The following SPSB1 variants were observed in gnomAD, a reference collection of about 807,000 sequenced individuals.
SPSB1 encodes the protein splA/ryanodine receptor domain and SOCS box containing 1.
Under a neutral mutation model 21.2 loss-of-function variants are expected in SPSB1, and 8 were observed. The ratio of observed to expected loss-of-function variants is 0.38; its 90% CI spans 0.22 to 0.68. The LOEUF (loss-of-function observed/expected upper bound fraction) is 0.68, where lower values mean the gene tolerates loss of function less well. Ranked by LOEUF, SPSB1 falls within the 30% of genes least tolerant of loss-of-function variation. SPSB1 has a pLI of 0.53. For synonymous variants in SPSB1, 169 were observed against 161.7 expected (o/e 1.05, Z -0.34); for missense variants, 242 against 377.8 (o/e 0.64, Z 2.98).
chr1:9,363,357 G>A lies in SPSB1; in HGVS notation c.695-4091G>A, dbSNP rs1216660691. Among the ~76,000 whole-genome samples, 1 of 152,140 alleles carries A rather than the reference G, an allele frequency of 6.6e-6. No homozygotes were observed. Among genetic ancestry groups the A allele is most frequent in the Non-Finnish European group, 1.5e-5 (1 of 68,026 alleles). On this transcript the variant is annotated intron_variant, in intron 2 of 2. Coordinates refer to ENST00000328089, the MANE Select transcript of SPSB1 (RefSeq NM_025106.4). The surrounding 1 kb of genome is among the most constrained non-coding windows in gnomAD (Gnocchi z 4.5). ...CCATTCACTGCCACTTCTCTAGCCC[G>A]TCTTGGTGGATCCCATGACCCATCC...
intron 2 of SPSB1, among the ~76,000 whole-genome samples, chr1:9,358,674 A>C (rs563130106): frequency 6.6e-5 from 10 of 152,286 alleles, no homozygotes; most frequent in African/African-American, 2.4e-4. Flanking sequence ...CAGACAGATG[A>C]GGGGACTGCC....
chr1:9,309,301 AGTGTGTGT>A (rs35952855), intron 1 of SPSB1, among the ~76,000 whole-genome samples: 73 of 133,220 alleles, frequency 5.5e-4, no homozygotes, highest in South Asian at 1.3e-3. Flanking sequence ...AGAGAGAGAG[AGTGTGTGT>A]GTGTGTGTGT....
chr1:9,338,686 G>A (rs1156998217), intron 1 of SPSB1, among the ~76,000 whole-genome samples: 1 of 152,258 alleles, frequency 6.6e-6, no homozygotes, highest in Admixed American at 6.5e-5. Context: ...GGCCTTGCAG[G>A]CAGGGCTGGG....
chr1:9,356,217 G>T lies in SPSB1; in HGVS notation c.326G>T (p.Arg109Leu). The change falls in exon 2 of 3, where the codon CGG (arginine) becomes CTG (leucine). Residue 109 changes from arginine (R) to leucine (L), a missense_variant. Coordinates refer to ENST00000328089, the MANE Select transcript of SPSB1 (RefSeq NM_025106.4). The surrounding 1 kb of genome is among the most constrained non-coding windows in gnomAD (Gnocchi z 7.4). ...VWQITWAMRQ[R>L]GTHAVVGVAT... ...CAGATCACGTGGGCCATGAGACAGC[G>T]GGGCACACACGCCGTGGTGGGGGTG... 1 of 1,598,926 alleles carries T rather than the reference G, an allele frequency of 6.3e-7. No individual in the cohort carries two copies. The highest frequency in any genetic ancestry group is 8.5e-7 in the Non-Finnish European group (1 of 1,171,456).
intron 1 of SPSB1, among the ~76,000 whole-genome samples, chr1:9,341,421 G>A (rs1451622583): frequency 5.3e-5 from 8 of 152,234 alleles, no homozygotes. Context: ...ACTAGACTGA[G>A]CTCCCTGAGG....
intron 1 of SPSB1, among the ~76,000 whole-genome samples, chr1:9,296,594 A>ACACACATACACAAACGTGTGCATG (rs111651835): frequency 0.56 from 85,613 of 152,008 alleles, 25,208 homozygotes; most frequent in South Asian, 0.72. Context: ...ACATGTGTAC[A>ACACACATACACAAACGTGTGCATG]CACACATACA....
At chr1:9,297,257 A>G (rs1461830713) in intron 1 of SPSB1, among the ~76,000 whole-genome samples, 1 of 152,230 alleles carries the variant, frequency 6.6e-6, no homozygotes, top group Non-Finnish European at 1.5e-5. Context: ...TTGGAAAACT[A>G]GGGAGGCATT....
rs538057972 is a variant in SPSB1 at position 9,298,108 on chromosome 1, A to G, written c.-150+5037A>G. ...CGGCAGAGGCAAAGCTGCCGTCAGA[A>G]TAGTCTGACTTGTGTGGATCTATGG... On this transcript the variant is annotated intron_variant, in intron 1 of 2. Coordinates refer to ENST00000328089, the MANE Select transcript of SPSB1 (RefSeq NM_025106.4). Among the ~76,000 whole-genome samples, 15 of 152,360 alleles carry G rather than the reference A, an allele frequency of 9.8e-5. No homozygotes were observed. In the South Asian group the frequency reaches 3.1e-3, roughly 32 times the overall value.
chr1:9,300,269 G>A (rs1639306878), intron 1 of SPSB1, among the ~76,000 whole-genome samples: 1 of 152,182 alleles, frequency 6.6e-6, no homozygotes, highest in African/African-American at 2.4e-5. Context: ...GGACTTTGGA[G>A]GCAACACATT....
chr1:9,361,156 C>CTTTTCTTTTTTTTTTTTTTTT (rs1553128955), intron 2 of SPSB1, among the ~76,000 whole-genome samples: 4 of 102,576 alleles, frequency 3.9e-5, no homozygotes, highest in African/African-American at 1.7e-4. Context: ...CTGTCATTTT[C>CTTTTCTTTTTTTTTTTTTTTT]TTTTTTTTTT....
At chr1:9,296,610 A>G (rs1239647556) in intron 1 of SPSB1, among the ~76,000 whole-genome samples, 1 of 41,390 alleles carries the variant, frequency 2.4e-5, no homozygotes, top group Non-Finnish European at 7.4e-5. Context: ...ATACATATGC[A>G]CACACATATA....
At chr1:9,306,848 C>T (rs1413093531) in intron 1 of SPSB1, among the ~76,000 whole-genome samples, 1 of 151,808 alleles carries the variant, frequency 6.6e-6, no homozygotes, top group Non-Finnish European at 1.5e-5. Context: ...CAGCTCCAAG[C>T]AAGATGTCCT....
At chr1:9,343,633 C>T (rs72643842) in intron 1 of SPSB1, among the ~76,000 whole-genome samples, 3,779 of 152,258 alleles carry the variant, frequency 0.025, 60 homozygotes, top group Non-Finnish European at 0.035. Context: ...TTCATTTCTC[C>T]GGGCTCCTTT....
Position 9,355,861 on chromosome 1 carries a change from A to C in SPSB1, c.-31A>C, listed in dbSNP as rs1324253494. ...ACGAGATTGATGAGTTTGCCTTGGG[A>C]GTCGGTAAGAAGGTGAAGCCAGGGG... On this transcript the variant is annotated 5_prime_UTR_variant, in exon 2 of 3. Coordinates refer to ENST00000328089, the MANE Select transcript of SPSB1 (RefSeq NM_025106.4). The C allele has an allele frequency of 1.3e-6, 2 of 1,520,148 alleles. No individual in the cohort carries two copies. Among genetic ancestry groups the C allele is most frequent in the Non-Finnish European group, 1.8e-6 (2 of 1,133,198 alleles). 94.2% of individuals were successfully genotyped at this position (1,520,148 alleles called of 1,614,324 possible).
chr1:9,336,972 G>A (rs1279398127), intron 1 of SPSB1, among the ~76,000 whole-genome samples: 1 of 152,134 alleles, frequency 6.6e-6, no homozygotes, highest in Non-Finnish European at 1.5e-5. Flanking sequence ...ACAGTGCTGG[G>A]GCCTGACTCC....
At chr1:9,310,904 C>A (rs958472854) in intron 1 of SPSB1, among the ~76,000 whole-genome samples, 3 of 152,140 alleles carry the variant, frequency 2.0e-5, no homozygotes, top group Non-Finnish European at 4.4e-5. Context: ...TAATTTATTC[C>A]AATTCCGTAA....
chr1:9,308,802 T>C (rs2100468090), intron 1 of SPSB1, among the ~76,000 whole-genome samples: 2 of 152,322 alleles, frequency 1.3e-5, no homozygotes, highest in South Asian at 4.1e-4. Context: ...AAGGTGGGCC[T>C]GACCCCACAG....
At chr1:9,300,193 A>T (rs1639305459) in intron 1 of SPSB1, among the ~76,000 whole-genome samples, 1 of 152,212 alleles carries the variant, frequency 6.6e-6, no homozygotes, top group Non-Finnish European at 1.5e-5. Flanking sequence ...TCTAAGGTGA[A>T]GAATAAGTTG....
At chr1:9,365,984 G>T (rs1394774194) in intron 2 of SPSB1, among the ~76,000 whole-genome samples, 1 of 152,250 alleles carries the variant, frequency 6.6e-6, no homozygotes, top group Non-Finnish European at 1.5e-5. Context: ...GGGCCGCGCA[G>T]CCTTCCAACG....
Sources: gnomAD v4.1 joint callset for allele counts (sites outside exome capture counted in the v4.1 genomes callset) on GRCh38, gnomAD v4.1.1 for gene constraint, Gnocchi (gnomAD v3.1) non-coding constraint, MANE v1.5 for transcripts, NCBI Gene and HGNC (gene_info 2026-07-23, HGNC 2026-07-21) for gene names.